Variants in MSH4 observed in about 807,000 individuals in gnomAD.
MSH4 encodes mutS homolog 4, also known as mutS protein homolog 4.
Under a neutral mutation model 113.7 loss-of-function variants are expected in MSH4, and 106 were observed. The ratio of observed to expected loss-of-function variants is 0.93; its 90% CI spans 0.80 to 1.10. The LOEUF is 1.10. Ranked by LOEUF, MSH4 falls within the 50% of genes least tolerant of loss-of-function variation. The probability of loss-of-function intolerance (pLI) is 0.00; values close to 1 mark genes in which losing one functional copy is unlikely to be tolerated. For missense variants in MSH4, 1,061 were observed against 1,093.7 expected, an observed-to-expected ratio of 0.97 and a Z score of 0.42; for synonymous variants, 368 against 380.2, an observed-to-expected ratio of 0.97 and a Z score of 0.37.
chr1:75,906,480 TATACATATTATATATTA>T (rs1417958467), intron 19 of MSH4, among the ~76,000 whole-genome samples: 5 of 696 alleles, frequency 7.2e-3, no homozygotes, highest in Admixed American at 0.056. Flanking sequence ...ATATATAATA[TATACATATTATATATTA>T]TATATATATA....
At chr1:75,862,538 G>C (rs540976799) in intron 8 of MSH4, among the ~76,000 whole-genome samples, 1 of 152,238 alleles carries the variant, frequency 6.6e-6, no homozygotes, top group African/African-American at 2.4e-5. Context: ...TTTTTGTTAA[G>C]ACTGTACAGA....
At chr1:75,817,203 C>T (rs562150732) in intron 6 of MSH4, among the ~76,000 whole-genome samples, 9 of 152,080 alleles carry the variant, frequency 5.9e-5, no homozygotes, top group African/African-American at 1.9e-4. Context: ...AAAAAACAAC[C>T]CAGTTCAGAA....
At chr1:75,811,595 C>G (rs1360649848) in intron 4 of MSH4, among the ~76,000 whole-genome samples, 2 of 152,156 alleles carry the variant, frequency 1.3e-5, no homozygotes, top group African/African-American at 4.8e-5. Flanking sequence ...ACATGTACTG[C>G]CTTCCAGTTA....
At chr1:75,844,557 G>A (rs1465811186) in intron 7 of MSH4, among the ~76,000 whole-genome samples, 2 of 151,736 alleles carry the variant, frequency 1.3e-5, no homozygotes, top group Non-Finnish European at 2.9e-5. Context: ...AAACTCCTAA[G>A]CTCAAGTGAT....
intron 4 of MSH4, among the ~76,000 whole-genome samples, chr1:75,811,804 G>A (rs1305366167): frequency 6.6e-6 from 1 of 152,108 alleles, no homozygotes; most frequent in African/African-American, 2.4e-5. Flanking sequence ...AACACATTTG[G>A]AACCAAGCTG....
chr1:75,843,965 C>A (rs1651023836), intron 7 of MSH4, among the ~76,000 whole-genome samples: 1 of 152,046 alleles, frequency 6.6e-6, no homozygotes, highest in Non-Finnish European at 1.5e-5. Context: ...GCATGCACCA[C>A]CATGCCTGGC....
intron 7 of MSH4, among the ~76,000 whole-genome samples, chr1:75,823,589 A>G (rs1167518709): frequency 6.6e-6 from 1 of 151,924 alleles, no homozygotes; most frequent in Non-Finnish European, 1.5e-5. Flanking sequence ...TAAGCCTTGC[A>G]TGCATTGGGG....
intron 8 of MSH4, 142 bp downstream of exon 8, chr1:75,848,418 G>A (rs1312118072): frequency 1.5e-6 from 1 of 667,056 alleles, no homozygotes; most frequent in African/African-American, 1.8e-5. Context: ...TTATGCCACT[G>A]TAGAGGAAAC....
intron 7 of MSH4, among the ~76,000 whole-genome samples, chr1:75,842,819 C>T (rs1452630177): frequency 6.6e-6 from 1 of 152,122 alleles, no homozygotes; most frequent in African/African-American, 2.4e-5. Context: ...AAGGGAGTCT[C>T]CCTTTCCCCA....
At chr1:75,863,437 C>T (rs183791714) in intron 8 of MSH4, among the ~76,000 whole-genome samples, 20 of 152,228 alleles carry the variant, frequency 1.3e-4, no homozygotes, top group African/African-American at 2.4e-5. Context: ...ATGCTATTAT[C>T]GCTTCATTAA....
At chr1:75,899,905 G>A (rs533137519) in intron 19 of MSH4, among the ~76,000 whole-genome samples, 199 bp downstream of exon 19, 19 of 151,442 alleles carry the variant, frequency 1.3e-4, no homozygotes, top group African/African-American at 4.6e-4. Flanking sequence ...AATCCTCGCA[G>A]CAAATCAGCT....
chr1:75,851,387 G>A (rs1166409686), intron 8 of MSH4, among the ~76,000 whole-genome samples: 1 of 151,484 alleles, frequency 6.6e-6, no homozygotes, highest in African/African-American at 2.4e-5. Flanking sequence ...TACATCTTTA[G>A]CTGAATTCAG....
At chr1:75,882,473 T>G (rs1651955193) in intron 14 of MSH4, among the ~76,000 whole-genome samples, 1 of 152,062 alleles carries the variant, frequency 6.6e-6, no homozygotes, top group Non-Finnish European at 1.5e-5. Flanking sequence ...TCCTTATTTA[T>G]TTCTATAGAT....
At chr1:75,801,851 CAA>C (rs2100500584) in intron 1 of MSH4, among the ~76,000 whole-genome samples, 1 of 152,030 alleles carries the variant, frequency 6.6e-6, no homozygotes, top group East Asian at 1.9e-4. Flanking sequence ...GTCTGGGCGA[CAA>C]AGAGAGACCT....
intron 3 of MSH4, among the ~76,000 whole-genome samples, chr1:75,809,415 A>G (rs1144333): frequency 0.86 from 131,442 of 151,956 alleles, 57,079 homozygotes; most frequent in South Asian, 0.94. Flanking sequence ...TATTTTATAC[A>G]TTTTTACAAT....
chr1:75,905,570 C>A (rs1196617571), intron 19 of MSH4, among the ~76,000 whole-genome samples: 1 of 152,060 alleles, frequency 6.6e-6, no homozygotes, highest in Admixed American at 6.5e-5. Flanking sequence ...TCCAGGCAGT[C>A]TAGAGTGTAG....
At chr1:75,877,349 CA>C (rs1223899037) in intron 10 of MSH4, among the ~76,000 whole-genome samples, 1 of 151,828 alleles carries the variant, frequency 6.6e-6, no homozygotes, top group African/African-American at 2.4e-5. Context: ...TCTAATGTAA[CA>C]AAAAATAGTA....
chr1:75,847,480 A>G (rs978425954), intron 7 of MSH4, among the ~76,000 whole-genome samples: 1 of 152,210 alleles, frequency 6.6e-6, no homozygotes, highest in African/African-American at 2.4e-5. Flanking sequence ...TATGATAGAC[A>G]ATATCAAAAC....
In MSH4 at chr1:75,851,219, CG is replaced by C. The variant is rs1316617816; in HGVS notation, c.1230+2944del. On this transcript the variant is annotated intron_variant, in intron 8 of 19. Coordinates refer to ENST00000263187, the MANE Select transcript of MSH4 (RefSeq NM_002440.4). The stretch of plus-strand genomic sequence containing the variant: ...ATATGTTTTTATTTAAATCTGCCAT[CG>C]TTTTTTTTTTCATTTTTCTCATCTG... Among the ~76,000 whole-genome samples, 8 of 150,694 alleles carry C rather than the reference CG, an allele frequency of 5.3e-5. No homozygotes were observed. In the East Asian group the frequency reaches 9.7e-4, roughly 18 times the overall value.
Sources: allele counts gnomAD v4.1 joint callset (sites outside exome capture counted in the v4.1 genomes callset), GRCh38; gene constraint gnomAD v4.1.1; transcripts MANE v1.5; gene names NCBI Gene and HGNC (gene_info 2026-07-23, HGNC 2026-07-21).